The following ZCCHC14 variants were observed in gnomAD, a reference collection of about 807,000 sequenced individuals.
The protein encoded by ZCCHC14 is zinc finger CCHC-type containing 14, also known as zinc finger CCHC domain-containing protein 14.
ZCCHC14 carries 16 observed loss-of-function variants against 85.0 expected under a neutral mutation model. The observed-to-expected ratio is 0.19, with a 90% CI of 0.13 to 0.29. ZCCHC14 has a LOEUF of 0.29. Ranked by LOEUF, ZCCHC14 falls within the 10% of genes least tolerant of loss-of-function variation. The probability of loss-of-function intolerance (pLI) is 1.00; values close to 1 mark genes in which losing one functional copy is unlikely to be tolerated. For synonymous variants in ZCCHC14, 775 were observed against 630.7 expected (o/e 1.23, Z -3.43); for missense variants, 1,303 against 1,443.5 (o/e 0.90, Z 1.58).
At chr16:87,455,585 A>C (rs1055757843) in intron 2 of ZCCHC14, among the ~76,000 whole-genome samples, 2 of 152,166 alleles carry the variant, frequency 1.3e-5, no homozygotes, top group African/African-American at 4.8e-5. Flanking sequence ...TTCTTCAGGG[A>C]AATTGAGAAA....
At chr16:87,440,676 G>C (rs1466201684) in intron 2 of ZCCHC14, among the ~76,000 whole-genome samples, 1 of 150,704 alleles carries the variant, frequency 6.6e-6, no homozygotes, top group African/African-American at 2.4e-5. Flanking sequence ...GTGTGATCTT[G>C]GCTCACTGCA....
intron 1 of ZCCHC14, among the ~76,000 whole-genome samples, chr16:87,465,956 C>T (rs1395471077): frequency 2.6e-5 from 4 of 152,092 alleles, no homozygotes; most frequent in East Asian, 3.9e-4. Context: ...GCCCGGTCTC[C>T]GCAACGTCCC....
At chr16:87,487,436 T>A (rs1912558162) in intron 1 of ZCCHC14, among the ~76,000 whole-genome samples, 1 of 152,106 alleles carries the variant, frequency 6.6e-6, no homozygotes, top group Admixed American at 6.5e-5. Flanking sequence ...TGCTCCCCCA[T>A]ACCTGTCGCT....
rs1908299318 is a variant in ZCCHC14 at position 87,408,478 on chromosome 16, T to A, written c.*1802A>T. 1 of 152,626 alleles carries A rather than the reference T, an allele frequency of 6.6e-6. No homozygotes were observed. Among genetic ancestry groups the A allele is most frequent in the Non-Finnish European group, 1.5e-5 (1 of 68,042 alleles). 9.5% of individuals were successfully genotyped at this position (152,626 alleles called of 1,614,324 possible). On this transcript the variant is annotated 3_prime_UTR_variant, in exon 13 of 13. Coordinates refer to ENST00000671377, the MANE Select transcript of ZCCHC14 (RefSeq NM_015144.3). ...CTTTAAGGCAAAGTTGTGTCAGTTCTCATTATTTTGACATTTTGTAGTGTT... is the reference window on the plus strand; with the variant it reads ...CTTTAAGGCAAAGTTGTGTCAGTTCACATTATTTTGACATTTTGTAGTGTT...
At chr16:87,465,381 T>A (rs755833216) in intron 1 of ZCCHC14, among the ~76,000 whole-genome samples, 6 of 152,278 alleles carry the variant, frequency 3.9e-5, no homozygotes, top group Non-Finnish European at 7.3e-5. Context: ...CAAAAACTTC[T>A]GCAATCTACA....
chr16:87,480,938 T>A (rs1036131287), intron 1 of ZCCHC14, among the ~76,000 whole-genome samples: 1 of 151,314 alleles, frequency 6.6e-6, no homozygotes, highest in Non-Finnish European at 1.5e-5. Context: ...CAGAGAGAGG[T>A]GTGTACGGAC....
At chr16:87,429,660 G>A (rs1476858337) in intron 3 of ZCCHC14, among the ~76,000 whole-genome samples, 1 of 152,130 alleles carries the variant, frequency 6.6e-6, no homozygotes, top group African/African-American at 2.4e-5. Flanking sequence ...AAGCTGGAGT[G>A]CAGTGGCATG....
intron 9 of ZCCHC14, 28 bp from the exon 10 acceptor site, chr16:87,414,569 G>C (rs1908683187): frequency 1.3e-6 from 2 of 1,597,056 alleles, no homozygotes; most frequent in African/African-American, 1.3e-5. Context: ...ACAGGAACAA[G>C]TGAGCACTGC....
intron 1 of ZCCHC14, among the ~76,000 whole-genome samples, chr16:87,469,685 T>A (rs1232976451): frequency 6.6e-6 from 1 of 152,154 alleles, no homozygotes; most frequent in Non-Finnish European, 1.5e-5. Context: ...TGGAGGACAA[T>A]TAAATTGCTT....
At chr16:87,424,123 A>C (rs1336965548) in intron 3 of ZCCHC14, among the ~76,000 whole-genome samples, 1 of 152,248 alleles carries the variant, frequency 6.6e-6, no homozygotes, top group Non-Finnish European at 1.5e-5. Flanking sequence ...AAATTACTCC[A>C]GAGTGGGGTC....
intron 4 of ZCCHC14, among the ~76,000 whole-genome samples, chr16:87,421,554 C>G (rs930489819): frequency 1.3e-5 from 2 of 152,124 alleles, no homozygotes; most frequent in Non-Finnish European, 2.9e-5. Flanking sequence ...AGTGAAGGCC[C>G]TTGCCCCCAC....
intron 2 of ZCCHC14, among the ~76,000 whole-genome samples, chr16:87,440,001 C>A (rs1773121837): frequency 6.6e-6 from 1 of 152,162 alleles, no homozygotes; most frequent in South Asian, 2.1e-4. Flanking sequence ...GAGATGGGGC[C>A]TGCCTATGTT....
rs754507431 is a variant in ZCCHC14, at chr16:87,411,595, G to C, written c.3126C>G (p.Asn1042Lys). ...SNGSSHKKSG[N>K]LSCYNCGATG... Reference sequence around the variant, plus strand: ...TGGCCCCGCAGTTGTAACAAGATAGGTTCCCGCTCTTTTTGTGACTGGAAC... The same window carrying C: ...TGGCCCCGCAGTTGTAACAAGATAGCTTCCCGCTCTTTTTGTGACTGGAAC... The change falls in exon 12 of 13, where the codon AAC becomes AAG. Residue 1042 changes from asparagine (N) to lysine (K), a missense_variant. Around this residue, in one of 7 missense-constraint regions of ZCCHC14, gnomAD observed 797 missense variants for 730.8 expected, o/e 1.09. Coordinates refer to ENST00000671377, the MANE Select transcript of ZCCHC14 (RefSeq NM_015144.3). 1 of 1,613,904 alleles carries C rather than the reference G, an allele frequency of 6.2e-7. No homozygotes were observed. The highest frequency in any genetic ancestry group is 8.5e-7 in the Non-Finnish European group (1 of 1,180,022).
intron 12 of ZCCHC14, among the ~76,000 whole-genome samples, chr16:87,410,944 TCCC>T (rs1446480172): frequency 3.3e-5 from 5 of 152,022 alleles, no homozygotes; most frequent in Non-Finnish European, 5.9e-5. Flanking sequence ...ACCTTCCCAG[TCCC>T]CCGTTTCCAA....
intron 2 of ZCCHC14, among the ~76,000 whole-genome samples, chr16:87,437,913 C>G (rs1365245432): frequency 6.6e-5 from 10 of 152,386 alleles, no homozygotes; most frequent in Admixed American, 6.5e-4. Context: ...TTTGGTCCAA[C>G]TGCACCACAC....
chr16:87,480,200 G>A (rs562361895), intron 1 of ZCCHC14, among the ~76,000 whole-genome samples: 1 of 152,052 alleles, frequency 6.6e-6, no homozygotes, highest in East Asian at 2.0e-4. Context: ...TCAGGAGATG[G>A]AGACCATCCT....
In ZCCHC14 at chr16:87,412,079, T is replaced by C. The variant is rs370559977; in HGVS notation, c.2642A>G (p.Tyr881Cys). ...ALSSVPESSF[Y>C]SSSGGGGSTG... ...GGAGCCGCCACCGCCACTGCTGCTA[T>C]AGAAACTGCTTTCAGGGACGGAGGA... The change falls in exon 12 of 13, where the codon TAT becomes TGT. Residue 881 changes from tyrosine to cysteine, a missense_variant. Physicochemically the swap from Tyr to Cys is radical, Grantham distance 194 (BLOSUM62 -2). Transcript: ENST00000671377. 2 of 1,612,432 alleles carry C rather than the reference T, an allele frequency of 1.2e-6. No individual in the cohort carries two copies. Among genetic ancestry groups the C allele is most frequent in the African/African-American group, 1.3e-5 (1 of 74,920 alleles).
chr16:87,463,593 C>T (rs1398151529), intron 1 of ZCCHC14, among the ~76,000 whole-genome samples: 2 of 152,102 alleles, frequency 1.3e-5, no homozygotes, highest in African/African-American at 4.8e-5. Context: ...CCGAGGCGGA[C>T]AGATCACCTG....
intron 2 of ZCCHC14, among the ~76,000 whole-genome samples, chr16:87,436,560 C>T (rs1432977414): frequency 6.6e-6 from 1 of 152,158 alleles, no homozygotes; most frequent in Non-Finnish European, 1.5e-5. Flanking sequence ...CGCTGTGATT[C>T]GAAAAACCAC....
Sources: gnomAD v4.1 joint callset for allele counts (sites outside exome capture counted in the v4.1 genomes callset) on GRCh38, gnomAD v4.1.1 for gene constraint, gnomAD v4.1.1 regional missense constraint, MANE v1.5 for transcripts, NCBI Gene and HGNC (gene_info 2026-07-23, HGNC 2026-07-21) for gene names.